UGT1A3: variants seen among roughly 807,000 people sequenced by gnomAD.
UGT1A3 encodes the protein UDP-glucuronosyltransferase 1A3.
UGT1A3 carries 31 observed loss-of-function variants against 41.0 expected under a neutral mutation model. The observed-to-expected ratio is 0.76, with a 90% confidence interval of 0.57 to 1.02. The LOEUF is 1.02. Among genes scored for constraint, UGT1A3 ranks in the 50% least tolerant of loss-of-function variants. The pLI is 0.00. For synonymous variants in UGT1A3, 262 were observed against 257.6 expected (o/e 1.02, Z -0.17); for missense variants, 737 against 671.0 (o/e 1.10, Z -1.09).
intron 1 of UGT1A3, among the ~76,000 whole-genome samples, chr2:233,739,658 C>G (rs1397600161): frequency 6.6e-6 from 1 of 152,228 alleles, no homozygotes; most frequent in Non-Finnish European, 1.5e-5. Context: ...TCTGTACCCC[C>G]ATTGTGTCTT....
At chr2:233,732,276 G>C (rs1167500055) in intron 1 of UGT1A3, among the ~76,000 whole-genome samples, 35 of 152,142 alleles carry the variant, frequency 2.3e-4, no homozygotes, top group Non-Finnish European at 4.6e-4. Context: ...TTTTGCTGTG[G>C]AGAAGCTCTT....
chr2:233,772,512 G>A lies in UGT1A3; in HGVS notation c.1558G>A (p.Gly520Arg), dbSNP rs1553624227. The change falls in exon 5 of 5, where the codon GGG becomes AGG. Residue 520 changes from glycine (G) to arginine (R), a missense_variant. By Grantham distance (125) the Gly-to-Arg change is moderately radical. Coordinates refer to ENST00000482026, the MANE Select transcript of UGT1A3 (RefSeq NM_019093.4). ...CCAYGYRKCL[G>R]KKGRVKKAHK... ...TGCTTATGGCTACCGGAAATGCTTG[G>A]GGAAAAAAGGGCGAGTTAAGAAAGC... 6.2e-7 allele frequency: 1 copy of A among 1,614,116 alleles called. No individual in the cohort carries two copies. The highest frequency in any genetic ancestry group is 8.5e-7 in the Non-Finnish European group (1 of 1,180,014).
chr2:233,740,556 T>G (rs1691418967), intron 1 of UGT1A3: 1 of 151,834 alleles, frequency 6.6e-6, no homozygotes, highest in African/African-American at 2.4e-5. Flanking sequence ...AGAAAAAATG[T>G]CCGGCATTTT....
chr2:233,747,270 T>C (rs1378649529), intron 1 of UGT1A3: 110 of 1,598,986 alleles, frequency 6.9e-5, no homozygotes, highest in Non-Finnish European at 9.1e-5. Context: ...TGCTACTCCT[T>C]CTCAGTGCCC....
At chr2:233,730,562 ACACGAAGTT>A (rs963460994) in intron 1 of UGT1A3, among the ~76,000 whole-genome samples, 4 of 152,160 alleles carry the variant, frequency 2.6e-5, no homozygotes, top group Admixed American at 6.5e-5. Context: ...AGAGAATGAC[ACACGAAGTT>A]CAGTTTCCAG....
intron 1 of UGT1A3, chr2:233,748,073 A>G (rs1311035028): frequency 6.2e-7 from 1 of 1,613,214 alleles, no homozygotes; most frequent in Non-Finnish European, 8.5e-7. Context: ...GGAAGCCACT[A>G]TCTCAGGTCG....
intron 1 of UGT1A3, among the ~76,000 whole-genome samples, chr2:233,751,671 A>C (rs1207862608): frequency 1.3e-5 from 2 of 152,074 alleles, no homozygotes; most frequent in Non-Finnish European, 2.9e-5. Context: ...GTGAGTTCTA[A>C]TGAGAGCTGA....
chr2:233,756,838 A>G (rs967837640), intron 1 of UGT1A3, among the ~76,000 whole-genome samples: 1 of 152,148 alleles, frequency 6.6e-6, no homozygotes, highest in African/African-American at 2.4e-5. Context: ...ATGATTAACC[A>G]AAGAACATTC....
At chr2:233,757,107 C>A (rs999241800) in intron 1 of UGT1A3, among the ~76,000 whole-genome samples, 3 of 150,946 alleles carry the variant, frequency 2.0e-5, no homozygotes, top group African/African-American at 7.3e-5. Flanking sequence ...AGGGGGCAAG[C>A]AGAAGGGCTA....
Position 233,767,923 on chromosome 2 carries a change from A to G in UGT1A3, c.1074A>G (p.Gln358=), listed in dbSNP as rs553243445. ...NNTILVKWLP[Q]NDLLGHPMTR... ...CGATACTTGTTAAGTGGCTACCCCA[A>G]AACGATCTGCTTGGTATGTTGGGCG... Residue 358 remains glutamine (Q), a synonymous_variant, in exon 3 of 5, where the codon CAA becomes CAG. Transcript: ENST00000482026. The G allele has an allele frequency of 2.8e-5, 45 of 1,614,102 alleles. No individual in the cohort carries two copies. The highest frequency in any genetic ancestry group is 1.6e-4 in the Middle Eastern group (1 of 6,084).
intron 1 of UGT1A3, among the ~76,000 whole-genome samples, chr2:233,759,541 C>T (rs1020987350): frequency 6.6e-6 from 1 of 152,092 alleles, no homozygotes; most frequent in Admixed American, 6.6e-5. Context: ...TGTTCACATG[C>T]GCTCCAGTGA....
At position 233,758,850 on chromosome 2, in the gene UGT1A3, C is replaced by A. The variant is rs141810687; in HGVS notation, c.868-8184C>A. ...CAAAAAGAGTGTAATACTTCCAATT[C>A]TGGCTGCACAATACTTGCCCCATAG... On this transcript the variant is annotated intron_variant, in intron 1 of 4. Transcript: ENST00000482026. Among the ~76,000 whole-genome samples the A allele has an allele frequency of 4.5e-3, 678 of 152,282 alleles. 10 individuals are homozygous for A. The highest frequency in any genetic ancestry group is 0.015 in the African/African-American group (640 of 41,546).
intron 1 of UGT1A3, among the ~76,000 whole-genome samples, chr2:233,734,828 G>A (rs1303318660): frequency 6.6e-6 from 1 of 152,222 alleles, no homozygotes; most frequent in African/African-American, 2.4e-5. Flanking sequence ...GCGATTTTGA[G>A]TGAGTTTCTT....
chr2:233,764,221 A>G (rs1437910759), intron 1 of UGT1A3, among the ~76,000 whole-genome samples: 2 of 152,128 alleles, frequency 1.3e-5, no homozygotes, highest in African/African-American at 2.4e-5. Context: ...AAGGGAATCA[A>G]TGGTGGGGGA....
chr2:233,768,308 G>A lies in UGT1A3; in HGVS notation c.1176G>A (p.Met392Ile), dbSNP rs751355128. 5 of 1,614,188 alleles carry A rather than the reference G, an allele frequency of 3.1e-6. No homozygotes were observed. The highest frequency in any genetic ancestry group is 3.4e-6 in the Non-Finnish European group (4 of 1,180,050). Residue 392 changes from methionine to isoleucine, a missense_variant, in exon 4 of 5, where the codon ATG (methionine) becomes ATA (isoleucine). By Grantham distance (10) the Met-to-Ile change is conservative. Transcript: ENST00000482026. The stretch of plus-strand genomic sequence containing the variant: ...GCAATGGCGTTCCCATGGTGATGAT[G>A]CCCTTGTTTGGTGATCAGATGGACA... ...SICNGVPMVM[M>I]PLFGDQMDNA...
chr2:233,760,567 A>G (rs1697488656), intron 1 of UGT1A3: 5 of 1,614,130 alleles, frequency 3.1e-6, no homozygotes, highest in African/African-American at 2.7e-5. Context: ...GTCTTTTGTT[A>G]GTCTCGGGCA....
In UGT1A3 at chr2:233,729,958, G is replaced by A. The variant is rs2077960397; in HGVS notation, c.832G>A (p.Gly278Ser). The A allele has an allele frequency of 3.7e-6, 6 of 1,613,978 alleles. No homozygotes were observed. Among genetic ancestry groups the A allele is most frequent in the Non-Finnish European group, 5.1e-6 (6 of 1,179,910 alleles). ...CATGCCCAACATGGTCTTCATTGGG[G>A]GCATCAACTGTGCCAACAGGAAGCC... ...PIMPNMVFIG[G>S]INCANRKPLS... The change falls in exon 1 of 5, where the codon GGC becomes AGC. Residue 278 changes from glycine (G) to serine (S), a missense_variant. Gly to Ser is a moderately conservative substitution (Grantham distance 56). Transcript: ENST00000482026.
At chr2:233,768,483 T>G in intron 4 of UGT1A3, 44 bp downstream of exon 4, 1 of 1,586,708 alleles carries the variant, frequency 6.3e-7, no homozygotes. Flanking sequence ...ATGGCATTCA[T>G]GATAAAATTG....
chr2:233,746,319 G>C (rs1444609554), intron 1 of UGT1A3, among the ~76,000 whole-genome samples: 1 of 151,794 alleles, frequency 6.6e-6, no homozygotes, highest in Admixed American at 6.5e-5. Flanking sequence ...CCCTGTAGAT[G>C]ATCTACAGGG....
Sources: allele counts gnomAD v4.1 joint callset (sites outside exome capture counted in the v4.1 genomes callset), GRCh38; gene constraint gnomAD v4.1.1; transcripts MANE v1.5; gene names NCBI Gene and HGNC (gene_info 2026-07-23, HGNC 2026-07-21).